Variants in RAB23 observed in about 807,000 individuals in gnomAD.
RAB23 encodes the protein RAB23, member RAS oncogene family.
In RAB23, 15 loss-of-function variants were observed where a neutral mutation model predicts 30.0. The observed-to-expected ratio is 0.50, with a 90% confidence interval of 0.33 to 0.77. The LOEUF is 0.77. RAB23 is among the 30% of genes least tolerant of loss of function. The pLI, the probability that RAB23 is intolerant of heterozygous loss-of-function variation, is 0.02. For synonymous variants in RAB23, 93 were observed against 94.0 expected (o/e 0.99, Z 0.06); for missense variants, 243 against 275.4 (o/e 0.88, Z 0.83).
intron 1 of RAB23, among the ~76,000 whole-genome samples, chr6:57,217,047 AAC>A (rs1453321209): frequency 1.3e-5 from 2 of 152,138 alleles, no homozygotes; most frequent in Non-Finnish European, 2.9e-5. Context: ...TCCTGTCTCA[AAC>A]ACACTTAAAA....
chr6:57,203,404 A>G (rs1262551359), intron 3 of RAB23, among the ~76,000 whole-genome samples: 2 of 152,252 alleles, frequency 1.3e-5, no homozygotes, highest in Non-Finnish European at 2.9e-5. Context: ...CAAACTGTCA[A>G]AAGCTTAGAA....
chr6:57,212,336 G>C (rs1562659339), intron 1 of RAB23, among the ~76,000 whole-genome samples: 1 of 152,124 alleles, frequency 6.6e-6, no homozygotes, highest in Non-Finnish European at 1.5e-5. Context: ...CTGCAGTCTG[G>C]AGCTCTTTCC....
Position 57,188,263 on chromosome 6 carries a change from CTTAA to C in RAB23, c.*2194_*2197del, listed in dbSNP as rs1255401244. 26 of 152,158 alleles carry C rather than the reference CTTAA, an allele frequency of 1.7e-4. No individual in the cohort carries two copies. The highest frequency in any genetic ancestry group is 2.1e-4 in the Non-Finnish European group (14 of 67,982). The allele number at this position is 152,158 out of a possible 1,614,324, so 9.4% of individuals were successfully genotyped here. On this transcript the variant is annotated 3_prime_UTR_variant, in exon 7 of 7. Coordinates refer to ENST00000468148, the MANE Select transcript of RAB23 (RefSeq NM_016277.5). ...TTAACATGGCTGACTTTCAGGCCTA[CTTAA>C]TTATTTTAAATGACTAATTATGGTT...
At chr6:57,218,444 G>GA (rs942262149) in intron 1 of RAB23, among the ~76,000 whole-genome samples, 1 of 151,858 alleles carries the variant, frequency 6.6e-6, no homozygotes, top group Non-Finnish European at 1.5e-5. Context: ...TAAACTCAAG[G>GA]AAAAAAACAC....
At chr6:57,212,217 T>G (rs1391282092) in intron 1 of RAB23, among the ~76,000 whole-genome samples, 1 of 152,036 alleles carries the variant, frequency 6.6e-6, no homozygotes, top group African/African-American at 2.4e-5. Context: ...TCTCCCCGGG[T>G]AAAGACTAAA....
chr6:57,201,244 C>G (rs1170025539), intron 3 of RAB23, among the ~76,000 whole-genome samples: 3 of 152,078 alleles, frequency 2.0e-5, no homozygotes, highest in Admixed American at 6.5e-5. Flanking sequence ...CCATGCCCAA[C>G]TAATTTTTCT....
chr6:57,211,071 T>C (rs1389092371), intron 1 of RAB23, among the ~76,000 whole-genome samples: 1 of 152,210 alleles, frequency 6.6e-6, no homozygotes, highest in African/African-American at 2.4e-5. Flanking sequence ...TAAAATTACT[T>C]TGAGGCTATG....
rs761834986 is a variant in RAB23, at chr6:57,187,685, T to G, written c.*2776A>C. On this transcript the variant is annotated 3_prime_UTR_variant, in exon 7 of 7. Transcript: ENST00000468148. ...ATTAGGTCCTAAGGCCAACTCCCTA[T>G]TCTAAGGTCTTCAGAAAAGGTCCAG... The G allele has an allele frequency of 4.6e-5, 7 of 152,178 alleles. No homozygotes were observed. Among genetic ancestry groups the G allele is most frequent in the Admixed American group, 3.3e-4 (5 of 15,280 alleles). 9.4% of individuals were successfully genotyped at this position (152,178 alleles called of 1,614,324 possible). A position where few individuals can be genotyped will look rare whatever the true frequency, so the allele number is the denominator to read the frequency against.
chr6:57,216,728 C>A (rs1765851415), intron 1 of RAB23, among the ~76,000 whole-genome samples: 1 of 151,784 alleles, frequency 6.6e-6, no homozygotes, highest in Non-Finnish European at 1.5e-5. Flanking sequence ...ATATGCTATA[C>A]AAGGGGTGGA....
At position 57,189,271 on chromosome 6, in the gene RAB23, A is replaced by C. The variant is rs1002471688; in HGVS notation, c.*1190T>G. 6.6e-6 allele frequency: 1 copy of C among 152,194 alleles called. No individual in the cohort carries two copies. Among genetic ancestry groups the C allele is most frequent in the Non-Finnish European group, 1.5e-5 (1 of 68,036 alleles). 9.4% of individuals were successfully genotyped at this position (152,194 alleles called of 1,614,324 possible). A position where few individuals can be genotyped will look rare whatever the true frequency, so the allele number is the denominator to read the frequency against. On this transcript the variant is annotated 3_prime_UTR_variant, in exon 7 of 7. Coordinates refer to ENST00000468148, the MANE Select transcript of RAB23 (RefSeq NM_016277.5). ...TACAAACAAGGTTATAGAAATGTTG[A>C]AGTGATTGATAATCTTAAAATACCA...
chr6:57,200,406 G>A (rs1274795092), intron 3 of RAB23, among the ~76,000 whole-genome samples: 2 of 151,282 alleles, frequency 1.3e-5, no homozygotes, highest in East Asian at 3.9e-4. Flanking sequence ...GTGTGGTGGT[G>A]GGCACCTGTA....
At chr6:57,196,666 T>C in intron 3 of RAB23, 60 bp from the exon 4 acceptor site, 3 of 1,568,048 alleles carry the variant, frequency 1.9e-6, no homozygotes, top group Non-Finnish European at 2.6e-6. Context: ...ATATTACATT[T>C]ACATTAAGAA....
At chr6:57,204,526 A>G (rs1013613190) in intron 3 of RAB23, among the ~76,000 whole-genome samples, 4 of 152,212 alleles carry the variant, frequency 2.6e-5, no homozygotes, top group African/African-American at 4.8e-5. Context: ...AAAATAATTC[A>G]TAACTGCTTC....
At chr6:57,194,075 A>C in intron 5 of RAB23, 141 bp from the exon 6 acceptor site, 1 of 1,279,134 alleles carries the variant, frequency 7.8e-7, no homozygotes, top group Non-Finnish European at 1.1e-6. Context: ...TAAAAATTCA[A>C]CTTTTAAAAA....
At chr6:57,211,977 A>C (rs1055229733) in intron 1 of RAB23, among the ~76,000 whole-genome samples, 3 of 152,230 alleles carry the variant, frequency 2.0e-5, no homozygotes, top group Non-Finnish European at 2.9e-5. Context: ...CTGGTACTTT[A>C]CAAACCTGAG....
intron 1 of RAB23, among the ~76,000 whole-genome samples, chr6:57,215,864 T>C (rs972964941): frequency 1.3e-5 from 2 of 152,086 alleles, no homozygotes; most frequent in African/African-American, 2.4e-5. Context: ...CAATTATAAA[T>C]GGGGAAGGAT....
At chr6:57,194,622 A>C in intron 5 of RAB23, 148 bp downstream of exon 5, 1 of 615,810 alleles carries the variant, frequency 1.6e-6, no homozygotes. Flanking sequence ...CACTAACAAA[A>C]AGAAGTAGAA....
At chr6:57,205,061 T>C (rs890790609) in intron 3 of RAB23, among the ~76,000 whole-genome samples, 4 of 151,140 alleles carry the variant, frequency 2.6e-5, no homozygotes, top group African/African-American at 9.7e-5. Flanking sequence ...TTTATAAATA[T>C]GTGTATATAT....
At position 57,201,084 on chromosome 6, in the gene RAB23, C is replaced by CTTTTTTTT. The variant is rs201367113; in HGVS notation, c.242-4479_242-4478insAAAAAAAA. On this transcript the variant is annotated intron_variant, in intron 3 of 6. Transcript: ENST00000468148. ...AAAATTCAGGAAGGATTTTCTCTCT[C>CTTTTTTTT]TCTTTTTTTTTTTTTTTGAGATGGA... 2.2e-5 allele frequency among the ~76,000 whole-genome samples: 3 copies of CTTTTTTTT among 136,906 alleles called. 1 individual carries two copies. Among genetic ancestry groups the CTTTTTTTT allele is most frequent in the Non-Finnish European group, 3.1e-5 (2 of 65,096 alleles). 89.8% of individuals were successfully genotyped at this position (136,906 alleles called of 152,430 possible). A position where few individuals can be genotyped will look rare whatever the true frequency, so the allele number is the denominator to read the frequency against.
Sources: allele counts gnomAD v4.1 joint callset (sites outside exome capture counted in the v4.1 genomes callset), GRCh38; gene constraint gnomAD v4.1.1; transcripts MANE v1.5; gene names NCBI Gene and HGNC (gene_info 2026-07-23, HGNC 2026-07-21).